The following CRIM1 variants were observed in gnomAD, a reference collection of about 807,000 sequenced individuals.
CRIM1 encodes cysteine rich transmembrane BMP regulator 1, also known as cysteine-rich motor neuron 1 protein.
A neutral mutation model predicts 116.4 loss-of-function variants in CRIM1; 32 were observed. The observed-to-expected ratio is 0.27, with a 90% CI of 0.21 to 0.37. The LOEUF (loss-of-function observed/expected upper bound fraction) is 0.37, where lower values mean the gene tolerates loss of function less well. Ranked by LOEUF, CRIM1 falls within the 10% of genes least tolerant of loss-of-function variation. The probability of loss-of-function intolerance (pLI) is 1.00; values close to 1 mark genes in which losing one functional copy is unlikely to be tolerated. For missense variants in CRIM1, 1,331 were observed against 1,354.8 expected, an observed-to-expected ratio of 0.98 and a Z score of 0.28; for synonymous variants, 590 against 509.2, an observed-to-expected ratio of 1.16 and a Z score of -2.13.
chr2:36,455,027 C>T (rs1272259026), intron 4 of CRIM1, among the ~76,000 whole-genome samples: 1 of 152,016 alleles, frequency 6.6e-6, no homozygotes, highest in East Asian at 1.9e-4. Context: ...AGGTTCAGGC[C>T]GCAGAGAAAA....
chr2:36,384,048 A>T (rs927323905), intron 1 of CRIM1, among the ~76,000 whole-genome samples: 4 of 152,214 alleles, frequency 2.6e-5, no homozygotes, highest in African/African-American at 7.2e-5. Context: ...AAGAGGAGAG[A>T]AGTGCTACGG....
chr2:36,372,217 C>T (rs1157831747), intron 1 of CRIM1, among the ~76,000 whole-genome samples: 2 of 152,074 alleles, frequency 1.3e-5, no homozygotes, highest in Admixed American at 1.3e-4. Flanking sequence ...CACAATGGTT[C>T]GAGCAGGAAT....
chr2:36,490,025 A>AC (rs1363624668), intron 7 of CRIM1, among the ~76,000 whole-genome samples: 1 of 152,160 alleles, frequency 6.6e-6, no homozygotes, highest in African/African-American at 2.4e-5. Context: ...GCACAGACCC[A>AC]CCCACCGTCT....
intron 1 of CRIM1, among the ~76,000 whole-genome samples, chr2:36,391,674 G>A (rs930958534): frequency 5.3e-5 from 8 of 152,130 alleles, no homozygotes; most frequent in Admixed American, 3.9e-4. Flanking sequence ...CTCAAAGTGT[G>A]GGCTACAGAC....
At chr2:36,369,556 C>T (rs1463332842) in intron 1 of CRIM1, among the ~76,000 whole-genome samples, 1 of 152,112 alleles carries the variant, frequency 6.6e-6, no homozygotes, top group Non-Finnish European at 1.5e-5. Flanking sequence ...AAAATGTTTG[C>T]AGGGGGAGCT....
At chr2:36,436,615 T>G (rs1675332558) in intron 2 of CRIM1, among the ~76,000 whole-genome samples, 1 of 152,182 alleles carries the variant, frequency 6.6e-6, no homozygotes, top group South Asian at 2.1e-4. Flanking sequence ...AAGCTTGATT[T>G]AATAGATAAC....
chr2:36,544,278 T>A, intron 14 of CRIM1, 98 bp from the exon 15 acceptor site: 2 of 1,062,996 alleles, frequency 1.9e-6, no homozygotes, highest in Non-Finnish European at 2.5e-6. Flanking sequence ...TCCCAGGAAA[T>A]GTGGTCTTGA....
chr2:36,377,516 C>A (rs1670417359), intron 1 of CRIM1, among the ~76,000 whole-genome samples: 1 of 152,172 alleles, frequency 6.6e-6, no homozygotes, highest in African/African-American at 2.4e-5. Flanking sequence ...GCCAAAGCTC[C>A]CCAACCTCTG....
In CRIM1 at chr2:36,479,477, G is replaced by T; in HGVS notation, c.1175-20G>T. On this transcript the variant is annotated intron_variant, in intron 6 of 16. Coordinates refer to ENST00000280527, the MANE Select transcript of CRIM1 (RefSeq NM_016441.3). Reference sequence around the variant, plus strand: ...TTTAGAAGATGCTCAGTCTAACTCTGAACTCATGTTCTCATTTAGATCCAG... The same window carrying T: ...TTTAGAAGATGCTCAGTCTAACTCTTAACTCATGTTCTCATTTAGATCCAG... 1 of 1,612,512 alleles carries T rather than the reference G, an allele frequency of 6.2e-7. No individual in the cohort carries two copies. The highest frequency in any genetic ancestry group is 1.1e-5 in the South Asian group (1 of 90,978).
intron 1 of CRIM1, among the ~76,000 whole-genome samples, chr2:36,370,749 A>C (rs1669890818): frequency 6.6e-6 from 1 of 152,168 alleles, no homozygotes; most frequent in African/African-American, 2.4e-5. Flanking sequence ...AGAAGGGATA[A>C]AGGATGACCA....
chr2:36,509,655 T>C (rs1026879682), intron 8 of CRIM1, among the ~76,000 whole-genome samples: 1 of 152,250 alleles, frequency 6.6e-6, no homozygotes, highest in African/African-American at 2.4e-5. Context: ...TGAAGTGATT[T>C]ATAAAGTTCA....
chr2:36,377,926 C>T (rs1670442634), intron 1 of CRIM1, among the ~76,000 whole-genome samples: 1 of 152,152 alleles, frequency 6.6e-6, no homozygotes, highest in African/African-American at 2.4e-5. Flanking sequence ...GTTAATCATA[C>T]CTAACAAACT....
At chr2:36,462,668 C>T (rs1040561099) in intron 4 of CRIM1, among the ~76,000 whole-genome samples, 2 of 152,094 alleles carry the variant, frequency 1.3e-5, no homozygotes, top group Admixed American at 6.6e-5. Flanking sequence ...ATCAGCTATT[C>T]TTGCGGGATG....
intron 4 of CRIM1, among the ~76,000 whole-genome samples, chr2:36,452,187 TC>T (rs1676787110): frequency 6.6e-6 from 1 of 152,112 alleles, no homozygotes; most frequent in African/African-American, 2.4e-5. Flanking sequence ...TTGTTGTCGT[TC>T]CCTTTAATTT....
intron 2 of CRIM1, among the ~76,000 whole-genome samples, chr2:36,412,201 C>T (rs1031778222): frequency 1.3e-5 from 2 of 151,426 alleles, no homozygotes; most frequent in African/African-American, 2.4e-5. Context: ...TTGAAACATT[C>T]TCAGTAAATA....
At chr2:36,427,386 A>T (rs988822082) in intron 2 of CRIM1, among the ~76,000 whole-genome samples, 1 of 152,134 alleles carries the variant, frequency 6.6e-6, no homozygotes, top group African/African-American at 2.4e-5. Context: ...TGTTCAGGTA[A>T]TTAACTTCCC....
chr2:36,515,447 A>G (rs190032735), intron 11 of CRIM1, among the ~76,000 whole-genome samples: 18 of 152,326 alleles, frequency 1.2e-4, no homozygotes, highest in Admixed American at 1.0e-3. Flanking sequence ...GTTTTCTGCA[A>G]ATCTTTAGCA....
intron 10 of CRIM1, 38 bp downstream of exon 10, chr2:36,512,432 C>T: frequency 5.7e-6 from 9 of 1,568,462 alleles, no homozygotes; most frequent in Non-Finnish European, 7.8e-6. Flanking sequence ...CTCAAAGCAG[C>T]CAGGGGCACC....
At chr2:36,466,088 G>T (rs1004635510) in intron 5 of CRIM1, among the ~76,000 whole-genome samples, 2 of 151,826 alleles carry the variant, frequency 1.3e-5, no homozygotes, top group Admixed American at 6.6e-5. Flanking sequence ...GGGTTTCACT[G>T]TGTTAACCAG....
Sources: gnomAD v4.1 joint callset for allele counts (sites outside exome capture counted in the v4.1 genomes callset) on GRCh38, gnomAD v4.1.1 for gene constraint, MANE v1.5 for transcripts, NCBI Gene and HGNC (gene_info 2026-07-23, HGNC 2026-07-21) for gene names.